Variants in WWOX observed in about 807,000 individuals in gnomAD.
WWOX encodes the protein WW domain containing oxidoreductase.
Under a neutral mutation model 46.2 loss-of-function variants are expected in WWOX, and 69 were observed. That is an observed-to-expected ratio of 1.49 (90% CI 1.23 to 1.82). The LOEUF is 1.82. WWOX is among the 40% of genes most tolerant of loss of function. WWOX has a pLI of 0.00. For missense variants in WWOX, 919 were observed against 542.6 expected, an observed-to-expected ratio of 1.69 and a Z score of -6.89; for synonymous variants, 359 against 202.6, an observed-to-expected ratio of 1.77 and a Z score of -6.56.
intron 8 of WWOX, among the ~76,000 whole-genome samples, chr16:78,595,637 G>A (rs1376048305): frequency 6.6e-6 from 1 of 152,202 alleles, no homozygotes; most frequent in Non-Finnish European, 1.5e-5. Context: ...GACCAGTGTG[G>A]ATGTCTTGAT....
intron 8 of WWOX, among the ~76,000 whole-genome samples, chr16:78,693,144 A>T (rs929253174): frequency 3.9e-5 from 6 of 152,168 alleles, no homozygotes; most frequent in Non-Finnish European, 8.8e-5. Context: ...GTTGCAGACA[A>T]TGTATATTTA....
chr16:78,539,997 TTCTCTCTC>T (rs536466074), intron 8 of WWOX, among the ~76,000 whole-genome samples: 10 of 133,020 alleles, frequency 7.5e-5, no homozygotes, highest in African/African-American at 1.1e-4. Context: ...CTCTCTCTCT[TTCTCTCTC>T]TCTCTCTCTC....
At chr16:78,942,327 A>G (rs1443964105) in intron 8 of WWOX, among the ~76,000 whole-genome samples, 5 of 152,202 alleles carry the variant, frequency 3.3e-5, no homozygotes, top group Admixed American at 3.3e-4. Context: ...AAAGTCATCA[A>G]GCTGATTGAA....
chr16:78,986,496 G>A (rs1326220843), intron 8 of WWOX, among the ~76,000 whole-genome samples: 1 of 152,166 alleles, frequency 6.6e-6, no homozygotes, highest in East Asian at 1.9e-4. Flanking sequence ...GATTTTAGTG[G>A]ATTTTCTTTT....
chr16:78,404,279 T>C (rs530109680), intron 6 of WWOX, among the ~76,000 whole-genome samples: 8 of 152,268 alleles, frequency 5.3e-5, no homozygotes, highest in African/African-American at 1.9e-4. Context: ...TGGTATCTTA[T>C]TATTTTTCGG....
chr16:78,107,249 G>A (rs1052085760), intron 1 of WWOX, among the ~76,000 whole-genome samples: 2 of 152,098 alleles, frequency 1.3e-5, no homozygotes, highest in East Asian at 1.9e-4. Flanking sequence ...TGAAATAATT[G>A]TATGTTTTCC....
At chr16:79,020,159 G>C (rs767025314) in intron 8 of WWOX, among the ~76,000 whole-genome samples, 3 of 152,164 alleles carry the variant, frequency 2.0e-5, no homozygotes, top group African/African-American at 7.2e-5. Flanking sequence ...CTTTGAAACA[G>C]TCAAAGGAGG....
intron 8 of WWOX, among the ~76,000 whole-genome samples, chr16:78,988,344 CAA>C (rs147619647): frequency 7.5e-6 from 1 of 133,366 alleles, no homozygotes; most frequent in Non-Finnish European, 1.6e-5. Context: ...AACTCTGTCT[CAA>C]AAAAAATAAA....
intron 8 of WWOX, among the ~76,000 whole-genome samples, chr16:79,030,251 C>G (rs927928905): frequency 4.6e-5 from 7 of 152,276 alleles, no homozygotes; most frequent in African/African-American, 1.7e-4. Flanking sequence ...TATGATTCTA[C>G]TCTTTTAATT....
intron 5 of WWOX, among the ~76,000 whole-genome samples, chr16:78,176,720 A>C (rs1405119561): frequency 6.6e-6 from 1 of 152,346 alleles, no homozygotes; most frequent in African/African-American, 2.4e-5. Context: ...CTGAACTTTA[A>C]TTACTTGGAA....
chr16:78,446,949 C>G (rs2083574469), intron 8 of WWOX, among the ~76,000 whole-genome samples: 1 of 152,142 alleles, frequency 6.6e-6, no homozygotes, highest in Non-Finnish European at 1.5e-5. Context: ...GTGTGAGCCA[C>G]TGCCAATTAT....
intron 8 of WWOX, among the ~76,000 whole-genome samples, chr16:78,762,951 A>G (rs530330668): frequency 1.3e-4 from 20 of 152,340 alleles, no homozygotes; most frequent in East Asian, 5.8e-4. Flanking sequence ...AACAATCACA[A>G]CAAAAGGCTG....
intron 5 of WWOX, among the ~76,000 whole-genome samples, chr16:78,308,536 G>T (rs2080176606): frequency 6.6e-6 from 1 of 152,118 alleles, no homozygotes; most frequent in Admixed American, 6.5e-5. Context: ...GGCATGGAAA[G>T]AAATCAAATT....
At chr16:78,819,554 G>T (rs1191534573) in intron 8 of WWOX, among the ~76,000 whole-genome samples, 1 of 152,154 alleles carries the variant, frequency 6.6e-6, no homozygotes, top group East Asian at 1.9e-4. Flanking sequence ...GAACTGCCTC[G>T]GAATTGCCAC....
intron 8 of WWOX, among the ~76,000 whole-genome samples, chr16:78,815,305 A>G (rs1318397926): frequency 3.3e-5 from 5 of 151,570 alleles, no homozygotes; most frequent in Admixed American, 2.6e-4. Flanking sequence ...AGCCTGGCTG[A>G]GAGAATGAAA....
chr16:78,555,577 G>C (rs1203344587), intron 8 of WWOX, among the ~76,000 whole-genome samples: 13 of 131,622 alleles, frequency 9.9e-5, no homozygotes. Flanking sequence ...CCCACTAAAG[G>C]AGTGCCACTT....
At chr16:79,204,658 A>AGCGTACCAAGGTCACCCTGCCC (rs2051449429) in intron 8 of WWOX, 1 of 152,208 alleles carries the variant, frequency 6.6e-6, no homozygotes, top group African/African-American at 2.4e-5. Context: ...AGGCCCTGAG[A>AGCGTACCAAGGTCACCCTGCCC]GCGTACCAAG....
At chr16:78,604,127 G>A (rs183328347) in intron 8 of WWOX, among the ~76,000 whole-genome samples, 3 of 152,206 alleles carry the variant, frequency 2.0e-5, no homozygotes, top group Middle Eastern at 3.4e-3. Context: ...CTGGGTGACC[G>A]AGACCTTGTC....
intron 8 of WWOX, among the ~76,000 whole-genome samples, chr16:78,973,957 G>A (rs913346230): frequency 5.3e-5 from 8 of 152,100 alleles, no homozygotes; most frequent in African/African-American, 9.7e-5. Context: ...CCTATCCTAC[G>A]ATTATTTCAA....
Sources: gnomAD v4.1 joint callset for allele counts (sites outside exome capture counted in the v4.1 genomes callset) on GRCh38, gnomAD v4.1.1 for gene constraint, MANE v1.5 for transcripts, NCBI Gene and HGNC (gene_info 2026-07-23, HGNC 2026-07-21) for gene names.